ARHGAP28: variants seen among roughly 807,000 people sequenced by gnomAD.
ARHGAP28 encodes the protein Rho GTPase activating protein 28, also known as rho GTPase-activating protein 28.
In ARHGAP28, 56 loss-of-function variants were observed where a neutral mutation model predicts 90.7. The ratio of observed to expected loss-of-function variants is 0.62; its 90% CI spans 0.50 to 0.77. ARHGAP28 has a LOEUF of 0.77. ARHGAP28 is among the 30% of genes least tolerant of loss of function. The pLI, the probability that ARHGAP28 is intolerant of heterozygous loss-of-function variation, is 0.00. For missense variants in ARHGAP28, 869 were observed against 900.9 expected (o/e 0.96, Z 0.45); for synonymous variants, 308 against 323.3 (o/e 0.95, Z 0.51).
chr18:6,871,451 A>G (rs2057088935), intron 7 of ARHGAP28, among the ~76,000 whole-genome samples: 1 of 152,244 alleles, frequency 6.6e-6, no homozygotes, highest in South Asian at 2.1e-4. Context: ...GTGAGAGCTC[A>G]TGGAACAGAC....
At chr18:6,826,833 G>GAA (rs2056668077) in intron 2 of ARHGAP28, among the ~76,000 whole-genome samples, 1 of 151,830 alleles carries the variant, frequency 6.6e-6, no homozygotes, top group African/African-American at 2.4e-5. Context: ...AGGACCCTGC[G>GAA]GCCTTCCGCA....
At chr18:6,730,072 G>C in intron 1 of ARHGAP28, 129 bp downstream of exon 1, 1 of 961,386 alleles carries the variant, frequency 1.0e-6, no homozygotes, top group Non-Finnish European at 1.4e-6. Flanking sequence ...TGGTGGACTA[G>C]ATGAGTGAGC....
chr18:6,764,798 C>T (rs919681424), intron 1 of ARHGAP28, among the ~76,000 whole-genome samples: 3 of 152,204 alleles, frequency 2.0e-5, no homozygotes, highest in Non-Finnish European at 4.4e-5. Flanking sequence ...GCATGTTATA[C>T]TCTGACCTTG....
intron 1 of ARHGAP28, among the ~76,000 whole-genome samples, chr18:6,767,206 T>C (rs935867809): frequency 1.3e-5 from 2 of 152,216 alleles, no homozygotes; most frequent in Non-Finnish European, 2.9e-5. Flanking sequence ...AGTAATACTA[T>C]CATTTCCTGT....
At chr18:6,911,365 G>C (rs2057398194) in intron 17 of ARHGAP28, among the ~76,000 whole-genome samples, 1 of 150,530 alleles carries the variant, frequency 6.6e-6, no homozygotes, top group South Asian at 2.1e-4. Flanking sequence ...ACCACTGGAG[G>C]ACATGTATTA....
chr18:6,882,801 A>G (rs933331339), intron 11 of ARHGAP28, among the ~76,000 whole-genome samples: 1 of 152,252 alleles, frequency 6.6e-6, no homozygotes, highest in African/African-American at 2.4e-5. Flanking sequence ...TGAAAATTAC[A>G]AAGTCACATC....
intron 1 of ARHGAP28, among the ~76,000 whole-genome samples, chr18:6,743,109 G>A (rs970566206): frequency 3.9e-5 from 6 of 152,126 alleles, no homozygotes; most frequent in South Asian, 2.1e-4. Context: ...TAGCTAGTGA[G>A]AAGGAAGAGA....
chr18:6,909,130 CTA>C (rs2057380320), intron 17 of ARHGAP28, 106 bp downstream of exon 17: 2 of 694,278 alleles, frequency 2.9e-6, no homozygotes, highest in Admixed American at 5.8e-5. Flanking sequence ...CAGATAAAAA[CTA>C]AAAATCAGTA....
chr18:6,854,015 C>T (rs2056932001), intron 4 of ARHGAP28, among the ~76,000 whole-genome samples: 2 of 151,934 alleles, frequency 1.3e-5, no homozygotes, highest in Admixed American at 1.3e-4. Context: ...TGACTGAGAC[C>T]TTTCTCAGTT....
intron 1 of ARHGAP28, among the ~76,000 whole-genome samples, chr18:6,737,042 T>C (rs1452780991): frequency 6.6e-6 from 1 of 152,194 alleles, no homozygotes; most frequent in East Asian, 1.9e-4. Flanking sequence ...AATTGCCATG[T>C]TCTTATTTCT....
intron 1 of ARHGAP28, among the ~76,000 whole-genome samples, chr18:6,783,427 A>G (rs1160632497): frequency 6.6e-6 from 1 of 150,724 alleles, no homozygotes; most frequent in Non-Finnish European, 1.5e-5. Context: ...TCAGCCTCCC[A>G]AGTAGCTGGG....
At position 6,870,715 on chromosome 18, in the gene ARHGAP28, G is replaced by C; in HGVS notation, c.937G>C (p.Glu313Gln). ...ACTTAAGAAATCAGAGATTAAGAAA[G>C]AAGACTATGTTTTAACTGTAAGCAA... is the stretch of plus-strand genomic sequence containing the variant. ...NKLKKSEIKK[E>Q]DYVLTKFNVQ... is the part of the protein sequence containing the mutation. The change falls in exon 7 of 18, where the codon GAA (glutamate) becomes CAA (glutamine). Residue 313 changes from glutamate (E) to glutamine (Q), a missense_variant. Glu to Gln is a conservative substitution (Grantham distance 29). Transcript: ENST00000383472. 6 of 1,608,544 alleles carry C rather than the reference G, an allele frequency of 3.7e-6. No individual in the cohort carries two copies. Among genetic ancestry groups the C allele is most frequent in the Non-Finnish European group, 4.2e-6 (5 of 1,178,562 alleles).
At chr18:6,842,987 G>A (rs1218769983) in intron 3 of ARHGAP28, among the ~76,000 whole-genome samples, 1 of 152,068 alleles carries the variant, frequency 6.6e-6, no homozygotes, top group African/African-American at 2.4e-5. Flanking sequence ...TTAAAAAAAT[G>A]TAAAATATTT....
At chr18:6,902,100 T>C (rs2057341426) in intron 16 of ARHGAP28, among the ~76,000 whole-genome samples, 1 of 152,188 alleles carries the variant, frequency 6.6e-6, no homozygotes, top group Admixed American at 6.5e-5. Context: ...GGTCAAATTA[T>C]GAACTTCAGG....
chr18:6,753,318 T>A (rs1480112723), intron 1 of ARHGAP28, among the ~76,000 whole-genome samples: 1 of 152,240 alleles, frequency 6.6e-6, no homozygotes, highest in African/African-American at 2.4e-5. Flanking sequence ...AAAAGAAATT[T>A]CTTCAAATTA....
chr18:6,755,062 A>C (rs2056098482), intron 1 of ARHGAP28, among the ~76,000 whole-genome samples: 1 of 152,142 alleles, frequency 6.6e-6, no homozygotes, highest in South Asian at 2.1e-4. Flanking sequence ...AATCCCAGCT[A>C]CTTGGGAAGC....
chr18:6,804,327 C>T (rs534388420), intron 1 of ARHGAP28, among the ~76,000 whole-genome samples: 1 of 152,058 alleles, frequency 6.6e-6, no homozygotes, highest in Non-Finnish European at 1.5e-5. Context: ...TATGTCTTCT[C>T]TTTTTCCTGA....
At chr18:6,868,125 G>T in intron 5 of ARHGAP28, 25 bp from the exon 6 acceptor site, 1 of 1,583,810 alleles carries the variant, frequency 6.3e-7, no homozygotes, top group Non-Finnish European at 8.7e-7. Flanking sequence ...AAAATGTTTT[G>T]TGTTCATCTT....
At chr18:6,805,911 A>G (rs1052895349) in intron 1 of ARHGAP28, among the ~76,000 whole-genome samples, 1 of 149,508 alleles carries the variant, frequency 6.7e-6, no homozygotes, top group Non-Finnish European at 1.5e-5. Flanking sequence ...TTGGAGACAG[A>G]GTCTCACTCT....
Sources: gnomAD v4.1 joint callset for allele counts (sites outside exome capture counted in the v4.1 genomes callset) on GRCh38, gnomAD v4.1.1 for gene constraint, MANE v1.5 for transcripts, NCBI Gene and HGNC (gene_info 2026-07-23, HGNC 2026-07-21) for gene names.